The following MEI4 variants were observed in gnomAD, a reference collection of about 807,000 sequenced individuals.
MEI4 encodes the protein meiotic double-stranded break formation protein 4.
Under a neutral mutation model 31.4 loss-of-function variants are expected in MEI4, and 27 were observed. That is an observed-to-expected ratio of 0.86 (90% CI 0.63 to 1.19). The LOEUF is 1.19. Ranked by LOEUF, MEI4 falls within the 50% of genes most tolerant of loss-of-function variation. The pLI is 0.00. For missense variants in MEI4, 329 were observed against 398.9 expected (o/e 0.82, Z 1.49); for synonymous variants, 122 against 145.4 (o/e 0.84, Z 1.16).
chr6:77,866,920 A>C (rs912231459), intron 4 of MEI4, among the ~76,000 whole-genome samples: 10 of 152,216 alleles, frequency 6.6e-5, no homozygotes, highest in Non-Finnish European at 1.3e-4. Flanking sequence ...ATAATGCCGC[A>C]TATCTACAAC....
intron 4 of MEI4, among the ~76,000 whole-genome samples, chr6:77,905,560 G>A (rs1484066836): frequency 3.8e-5 from 5 of 130,754 alleles, no homozygotes; most frequent in South Asian, 2.7e-4. Context: ...GCAGTGGCAC[G>A]ATCTCAGCTC....
intron 2 of MEI4, among the ~76,000 whole-genome samples, chr6:77,715,080 T>C (rs192039325): frequency 6.6e-6 from 1 of 152,210 alleles, no homozygotes; most frequent in Non-Finnish European, 1.5e-5. Flanking sequence ...TTTGATGAAT[T>C]AAACAGAATA....
At chr6:77,682,997 C>G (rs1768985511) in intron 1 of MEI4, among the ~76,000 whole-genome samples, 1 of 152,062 alleles carries the variant, frequency 6.6e-6, no homozygotes, top group South Asian at 2.1e-4. Context: ...TTCTGAAAGC[C>G]CTTTAAAATT....
chr6:77,732,249 T>C (rs546576439), intron 2 of MEI4, among the ~76,000 whole-genome samples: 29 of 152,022 alleles, frequency 1.9e-4, no homozygotes, highest in African/African-American at 4.3e-4. Flanking sequence ...ATTGATTCTT[T>C]CTACCCATGA....
At chr6:77,705,716 T>C (rs1206833573) in intron 2 of MEI4, among the ~76,000 whole-genome samples, 2 of 152,204 alleles carry the variant, frequency 1.3e-5, no homozygotes, top group African/African-American at 4.8e-5. Context: ...AGGGGAATTA[T>C]TACATTTTTC....
At chr6:77,813,606 T>C (rs1401948794) in intron 3 of MEI4, among the ~76,000 whole-genome samples, 1 of 152,006 alleles carries the variant, frequency 6.6e-6, no homozygotes, top group Non-Finnish European at 1.5e-5. Context: ...TCCACCATCA[T>C]GTCATCCTAA....
At chr6:77,900,871 C>T (rs951341373) in intron 4 of MEI4, among the ~76,000 whole-genome samples, 1 of 151,894 alleles carries the variant, frequency 6.6e-6, no homozygotes, top group African/African-American at 2.4e-5. Context: ...CTCCAGTACC[C>T]TTATTCCTCG....
intron 1 of MEI4, among the ~76,000 whole-genome samples, chr6:77,676,264 T>C (rs75536612): frequency 2.0e-3 from 306 of 152,228 alleles, no homozygotes; most frequent in Non-Finnish European, 3.7e-3. Flanking sequence ...AATTCATAAA[T>C]TGTAGTTGTA....
At position 77,926,050 on chromosome 6, in the gene MEI4, TC is replaced by T. The variant is rs1766837038; in HGVS notation, c.*2706del. 1 of 151,828 alleles carries T rather than the reference TC, an allele frequency of 6.6e-6. No homozygotes were observed. The highest frequency in any genetic ancestry group is 2.4e-5 in the African/African-American group (1 of 41,396). 9.4% of individuals were successfully genotyped at this position (151,828 alleles called of 1,614,324 possible). A position where few individuals can be genotyped will look rare whatever the true frequency, so the allele number is the denominator to read the frequency against. Reference sequence around the variant, plus strand: ...ACCAGGAAGTGGCAGTTAGGTTTCATCCTGAGGCAGTCCATCTTCCAATTCC... The same window carrying T: ...ACCAGGAAGTGGCAGTTAGGTTTCATCTGAGGCAGTCCATCTTCCAATTCC... On this transcript the variant is annotated 3_prime_UTR_variant, in exon 5 of 5. Transcript: ENST00000684080.
rs932450761 is a variant in MEI4 at position 77,917,544 on chromosome 6, T to C, written c.901-5545T>C. Among the ~76,000 whole-genome samples, 23 of 137,032 alleles carry C rather than the reference T, an allele frequency of 1.7e-4. No homozygotes were observed. In the South Asian group the frequency reaches 3.0e-3, roughly 18 times the overall value. 89.9% of individuals were successfully genotyped at this position (137,032 alleles called of 152,430 possible). A position where few individuals can be genotyped will look rare whatever the true frequency, so the allele number is the denominator to read the frequency against. On this transcript the variant is annotated intron_variant, in intron 4 of 4. Coordinates refer to ENST00000684080, the MANE Select transcript of MEI4 (RefSeq NM_001322247.2). ...CAGTGATGGTGAGCATTTTTTCATG[T>C]GTTTTTTGGCTGCATAAGTGTCTTC...
At chr6:77,657,839 C>T (rs1426048810) in intron 1 of MEI4, among the ~76,000 whole-genome samples, 2 of 152,222 alleles carry the variant, frequency 1.3e-5, no homozygotes, top group African/African-American at 4.8e-5. Context: ...CTGCTTTTGC[C>T]TCTCTGAGTT....
chr6:77,783,072 G>T (rs1398823996), intron 3 of MEI4, among the ~76,000 whole-genome samples: 1 of 152,066 alleles, frequency 6.6e-6, no homozygotes, highest in Non-Finnish European at 1.5e-5. Context: ...GGGAAATCAT[G>T]GTGACATTTT....
At chr6:77,656,508 AT>A (rs1446988956) in intron 1 of MEI4, among the ~76,000 whole-genome samples, 3 of 152,058 alleles carry the variant, frequency 2.0e-5, no homozygotes, top group Admixed American at 6.6e-5. Context: ...ATCAGTTTGT[AT>A]TTTATGTATT....
chr6:77,849,247 G>A (rs1398308409), intron 4 of MEI4, among the ~76,000 whole-genome samples: 1 of 152,156 alleles, frequency 6.6e-6, no homozygotes, highest in African/African-American at 2.4e-5. Context: ...ATGTTTTAAT[G>A]TAGAGAACAA....
intron 4 of MEI4, among the ~76,000 whole-genome samples, chr6:77,892,761 T>C (rs1765992344): frequency 2.6e-5 from 4 of 152,092 alleles, no homozygotes; most frequent in Admixed American, 2.6e-4. Flanking sequence ...TGTAGGATGA[T>C]GTCAGTAGGA....
At chr6:77,775,382 C>T (rs546927877) in intron 3 of MEI4, among the ~76,000 whole-genome samples, 7 of 152,096 alleles carry the variant, frequency 4.6e-5, no homozygotes, top group Non-Finnish European at 7.4e-5. Context: ...ATCATTCTTA[C>T]GCCTTTGCGT....
At chr6:77,787,699 T>C (rs1384282085) in intron 3 of MEI4, among the ~76,000 whole-genome samples, 1 of 152,094 alleles carries the variant, frequency 6.6e-6, no homozygotes, top group African/African-American at 2.4e-5. Flanking sequence ...AAGGCTCTAA[T>C]AACCAACCAT....
rs530707122 is a variant in MEI4, at chr6:77,878,663, T to G, written c.901-44426T>G. On this transcript the variant is annotated intron_variant, in intron 4 of 4. Coordinates refer to ENST00000684080, the MANE Select transcript of MEI4 (RefSeq NM_001322247.2). ...CTGTTGTATTCTGTTTCCTTTTGTT[T>G]TCTTTATTTTTTTAATTAACAGATA... Among the ~76,000 whole-genome samples, 4 of 151,500 alleles carry G rather than the reference T, an allele frequency of 2.6e-5. No homozygotes were observed. In the East Asian group the frequency reaches 7.7e-4, roughly 29 times the overall value.
chr6:77,831,507 T>TTA (rs71546073), intron 4 of MEI4, among the ~76,000 whole-genome samples: 5,410 of 147,436 alleles, frequency 0.037, 136 homozygotes, highest in African/African-American at 0.047. Context: ...AAAGATAATT[T>TTA]TATATATATA....
Sources: gnomAD v4.1 joint callset for allele counts (sites outside exome capture counted in the v4.1 genomes callset) on GRCh38, gnomAD v4.1.1 for gene constraint, MANE v1.5 for transcripts, NCBI Gene and HGNC (gene_info 2026-07-23, HGNC 2026-07-21) for gene names.